The following GLIS3 variants were observed in gnomAD, a reference collection of about 807,000 sequenced individuals.
GLIS3 encodes GLIS family zinc finger 3, also known as zinc finger protein GLIS3.
In GLIS3, 53 loss-of-function variants were observed where a neutral mutation model predicts 78.6. The observed-to-expected ratio is 0.67, with a 90% confidence interval of 0.54 to 0.85. The LOEUF is 0.85. Ranked by LOEUF, GLIS3 falls within the 40% of genes least tolerant of loss-of-function variation. GLIS3 has a pLI of 0.00. For synonymous variants in GLIS3, 684 were observed against 509.9 expected, an observed-to-expected ratio of 1.34 and a Z score of -4.60; for missense variants, 1,703 against 1,231.1, an observed-to-expected ratio of 1.38 and a Z score of -5.74.
intron 2 of GLIS3, among the ~76,000 whole-genome samples, chr9:4,264,207 G>T (rs1052071189): frequency 6.6e-6 from 1 of 152,134 alleles, no homozygotes; most frequent in Non-Finnish European, 1.5e-5. Flanking sequence ...AACACCTAGA[G>T]GTATTCACTG....
At chr9:4,301,681 A>T (rs1018779306), upstream of GLIS3, among the ~76,000 whole-genome samples, 5 of 152,230 alleles carry the variant, frequency 3.3e-5, no homozygotes, top group Non-Finnish European at 5.9e-5. Flanking sequence ...ATATCATTTT[A>T]AATACAATGG....
chr9:4,291,373 A>G (rs1587330559), intron 1 of GLIS3, among the ~76,000 whole-genome samples: 1 of 152,100 alleles, frequency 6.6e-6, no homozygotes, highest in Non-Finnish European at 1.5e-5. Flanking sequence ...CCTAATAGAA[A>G]CTCTGACTTT....
intron 4 of GLIS3, among the ~76,000 whole-genome samples, chr9:4,084,443 C>A (rs1348858608): frequency 3.3e-5 from 5 of 152,092 alleles, no homozygotes; most frequent in Non-Finnish European, 1.5e-5. Context: ...AGCCAAGAGC[C>A]TCCAGCAGGT....
At chr9:4,019,203 G>C (rs1313206417) in intron 4 of GLIS3, among the ~76,000 whole-genome samples, 2 of 152,174 alleles carry the variant, frequency 1.3e-5, no homozygotes, top group African/African-American at 4.8e-5. Context: ...AGTTCTTATG[G>C]AATGGCGTTT....
At chr9:4,177,715 A>G (rs2131157217) in intron 2 of GLIS3, among the ~76,000 whole-genome samples, 1 of 152,388 alleles carries the variant, frequency 6.6e-6, no homozygotes, top group South Asian at 2.1e-4. Flanking sequence ...GCCAGCATCC[A>G]AGAGACATAG....
chr9:4,297,054 C>G lies in GLIS3; in HGVS notation c.-99+2367G>C, dbSNP rs1285516922. On this transcript the variant is annotated intron_variant, in intron 1 of 10. Transcript: ENST00000381971. ...CTGCTTCACACAGAACCAGCGGAAACAAACTAGGAGGAGATAAAAGAGAAG... is the reference window on the plus strand; with the variant it reads ...CTGCTTCACACAGAACCAGCGGAAAGAAACTAGGAGGAGATAAAAGAGAAG... Among the ~76,000 whole-genome samples the G allele has an allele frequency of 4.0e-5, 6 of 150,366 alleles. No individual in the cohort carries two copies. The South Asian group carries it at 1.0e-3, about 26-fold the overall frequency.
chr9:4,227,880 T>C (rs1010009408), intron 2 of GLIS3, among the ~76,000 whole-genome samples: 4 of 152,196 alleles, frequency 2.6e-5, no homozygotes, highest in Admixed American at 6.5e-5. Flanking sequence ...CCAAGTTCTG[T>C]CCAGGGACCC....
upstream of GLIS3, among the ~76,000 whole-genome samples, chr9:4,303,758 G>A (rs1817154391): frequency 6.6e-6 from 1 of 152,198 alleles, no homozygotes; most frequent in African/African-American, 2.4e-5. Flanking sequence ...AAGCTGAGAT[G>A]TATCTAAAAT....
intron 6 of GLIS3, among the ~76,000 whole-genome samples, chr9:3,905,297 T>C (rs1172545945): frequency 6.6e-6 from 1 of 151,902 alleles, no homozygotes; most frequent in East Asian, 1.9e-4. Context: ...GCCTGACTCT[T>C]TGATATTCTA....
intron 2 of GLIS3, among the ~76,000 whole-genome samples, chr9:4,192,586 C>A (rs918421970): frequency 1.3e-5 from 2 of 152,176 alleles, no homozygotes; most frequent in Admixed American, 6.5e-5. Context: ...AAAATTGGCT[C>A]ATTTAACTAT....
intron 2 of GLIS3, among the ~76,000 whole-genome samples, chr9:4,196,711 G>C (rs765527894): frequency 2.0e-5 from 3 of 152,088 alleles, no homozygotes; most frequent in Non-Finnish European, 2.9e-5. Flanking sequence ...CTCCAGACAC[G>C]CCATTTTTAA....
At chr9:3,980,114 T>A (rs1257368658) in intron 4 of GLIS3, among the ~76,000 whole-genome samples, 1 of 152,208 alleles carries the variant, frequency 6.6e-6, no homozygotes, top group Non-Finnish European at 1.5e-5. Flanking sequence ...AGTGGACTTC[T>A]TCCTGTTGGT....
intron 2 of GLIS3, among the ~76,000 whole-genome samples, chr9:4,247,356 C>G (rs1236364226): frequency 1.3e-5 from 2 of 151,912 alleles, no homozygotes; most frequent in Admixed American, 1.3e-4. Flanking sequence ...AAAAGAAGTA[C>G]AGAAATAAAA....
chr9:4,372,559 A>AT, the GLIS3 span, among the ~76,000 whole-genome samples: 1 of 150,940 alleles, frequency 6.6e-6, no homozygotes, highest in Non-Finnish European at 1.5e-5. Context: ...TCCAATAAAA[A>AT]AAAAAAAAAA....
At chr9:4,172,503 T>C (rs1157659329) in intron 2 of GLIS3, among the ~76,000 whole-genome samples, 1 of 152,210 alleles carries the variant, frequency 6.6e-6, no homozygotes, top group Non-Finnish European at 1.5e-5. Context: ...TAAAGTCCAC[T>C]TTTATATAGG....
intron 4 of GLIS3, among the ~76,000 whole-genome samples, chr9:4,001,224 A>G (rs962774182): frequency 2.6e-5 from 4 of 152,250 alleles, no homozygotes; most frequent in African/African-American, 9.6e-5. Context: ...TGAACAAATT[A>G]AGAGAGAAAG....
At chr9:3,936,532 T>C (rs1380829514) in intron 5 of GLIS3, among the ~76,000 whole-genome samples, 1 of 152,090 alleles carries the variant, frequency 6.6e-6, no homozygotes, top group African/African-American at 2.4e-5. Flanking sequence ...CCAGGTGGTT[T>C]CTAAAGCAAA....
chr9:4,009,348 T>A (rs1189756525), intron 4 of GLIS3, among the ~76,000 whole-genome samples: 1 of 152,070 alleles, frequency 6.6e-6, no homozygotes, highest in Non-Finnish European at 1.5e-5. Flanking sequence ...CTGGCACAGA[T>A]CACTCCTCAT....
chr9:4,283,402 A>G (rs1450925548), intron 2 of GLIS3, among the ~76,000 whole-genome samples: 3 of 151,574 alleles, frequency 2.0e-5, no homozygotes, highest in Non-Finnish European at 4.4e-5. Flanking sequence ...AGTAGCTGGG[A>G]TTACAGGCGC....
Sources: gnomAD v4.1 joint callset for allele counts (sites outside exome capture counted in the v4.1 genomes callset) on GRCh38, gnomAD v4.1.1 for gene constraint, MANE v1.5 for transcripts, NCBI Gene and HGNC (gene_info 2026-07-23, HGNC 2026-07-21) for gene names.